AMZ2: variants seen among roughly 807,000 people sequenced by gnomAD.
AMZ2 encodes archaemetzincin-2.
Under a neutral mutation model 36.7 loss-of-function variants are expected in AMZ2, and 26 were observed. The ratio of observed to expected loss-of-function variants is 0.71; its 90% CI spans 0.52 to 0.98. The LOEUF (loss-of-function observed/expected upper bound fraction) is 0.98, where lower values mean the gene tolerates loss of function less well. AMZ2 is among the 50% of genes least tolerant of loss of function. The pLI, the probability that AMZ2 is intolerant of heterozygous loss-of-function variation, is 0.00. For synonymous variants in AMZ2, 144 were observed against 149.1 expected (o/e 0.97, Z 0.25); for missense variants, 394 against 430.5 (o/e 0.92, Z 0.75).
chr17:68,255,862 G>T lies in AMZ2; in HGVS notation c.913G>T (p.Val305Leu). The T allele has an allele frequency of 6.2e-7, 1 of 1,614,026 alleles. No homozygotes were observed. The highest frequency in any genetic ancestry group is 8.5e-7 in the Non-Finnish European group (1 of 1,180,006). Reference sequence around the variant, plus strand: ...GCAGTGTGCTGTTGGCTTCAGCATTGTAGAAAGATACAAAGTAAGTTGGGG... The same window carrying T: ...GCAGTGTGCTGTTGGCTTCAGCATTTTAGAAAGATACAAAGTAAGTTGGGG... The part of the protein sequence containing the change: ...KLQCAVGFSI[V>L]ERYKALVRWI... The change falls in exon 6 of 7, where the codon GTA becomes TTA. Residue 305 changes from valine to leucine, a missense_variant. Val to Leu is a conservative substitution (Grantham distance 32). Coordinates refer to ENST00000359904, the MANE Select transcript of AMZ2 (RefSeq NM_016627.5).
At chr17:68,209,622 A>ATATATATATATATATATATG (rs2072967321) in intron 1 of AMZ2, among the ~76,000 whole-genome samples, 2 of 83,128 alleles carry the variant, frequency 2.4e-5, no homozygotes, top group Non-Finnish European at 4.4e-5. Context: ...ATATATATAT[A>ATATATATATATATATATATG]TATATATATA....
chr17:68,248,485 C>CTCCAG lies in AMZ2; in HGVS notation c.-220_-216dup. The CTCCAG allele has an allele frequency of 1.0e-6, 1 of 986,142 alleles. No homozygotes were observed. The highest frequency in any genetic ancestry group is 1.2e-6 in the Non-Finnish European group (1 of 830,098). 61.1% of individuals were successfully genotyped at this position (986,142 alleles called of 1,614,324 possible). A position where few individuals can be genotyped will look rare whatever the true frequency, so the allele number is the denominator to read the frequency against. On this transcript the variant is annotated 5_prime_UTR_variant, in exon 1 of 7. It introduces an in-frame stop codon into an upstream open reading frame of the 5' UTR. Transcript: ENST00000359904. ...GTTTTGGGACCAAAGCATCCTAGGC[C>CTCCAG]TCCAGCCCACTGCAGTGACCGAATT... is the stretch of plus-strand genomic sequence containing the variant.
exon 1 of AMZ2, chr17:68,206,177 C>G: frequency 7.7e-7 from 1 of 1,306,406 alleles, no homozygotes; most frequent in Non-Finnish European, 9.8e-7. Context: ...AAGACGACGA[C>G]GACGCCAGTT....
chr17:68,248,794 G>A, intron 1 of AMZ2, 89 bp downstream of exon 1: 1 of 987,164 alleles, frequency 1.0e-6, no homozygotes, highest in Non-Finnish European at 1.2e-6. Context: ...GTGAGGATGA[G>A]CCTATGCTTA....
At chr17:68,225,165 T>G (rs560928330) in intron 1 of AMZ2, among the ~76,000 whole-genome samples, 58 of 152,172 alleles carry the variant, frequency 3.8e-4, no homozygotes, top group African/African-American at 1.3e-3. Context: ...GCACTCCAGC[T>G]TGGGTGAAAG....
Position 68,238,839 on chromosome 17 carries a change from TA to T in AMZ2, c.-66-9794del, listed in dbSNP as rs544732848. 7.9e-5 allele frequency among the ~76,000 whole-genome samples: 12 copies of T among 152,282 alleles called. No individual in the cohort carries two copies. In the South Asian group the frequency reaches 2.1e-3, roughly 26 times the overall value. On this transcript the variant is annotated intron_variant, in intron 1 of 7. Coordinates refer to the AMZ2 transcript ENST00000674770. ...GTGGGAAATCATAAACAACAAAGCA[TA>T]AAAAAATCTTAACCTAGTGGACTAA...
intron 1 of AMZ2, among the ~76,000 whole-genome samples, chr17:68,212,005 A>G (rs2073079756): frequency 6.6e-6 from 1 of 151,734 alleles, no homozygotes; most frequent in Non-Finnish European, 1.5e-5. Flanking sequence ...CTCTATCTAT[A>G]TATATCTGTA....
intron 1 of AMZ2, among the ~76,000 whole-genome samples, chr17:68,220,711 C>T (rs1457532949): frequency 1.1e-4 from 17 of 151,974 alleles, no homozygotes; most frequent in Admixed American, 7.9e-4. Context: ...ATAAAATGCT[C>T]CAACCCTTCA....
At chr17:68,227,240 G>A (rs1275197220) in intron 1 of AMZ2, among the ~76,000 whole-genome samples, 2 of 152,214 alleles carry the variant, frequency 1.3e-5, no homozygotes, top group East Asian at 1.9e-4. Context: ...CTGACCTCTC[G>A]ACACCTGGTT....
upstream of AMZ2, chr17:68,247,410 C>T (rs1352849381): frequency 6.5e-6 from 1 of 152,924 alleles, no homozygotes; most frequent in African/African-American, 2.4e-5. Context: ...GAAAGTCCCA[C>T]CAGAGGGTAC....
At chr17:68,218,070 C>A (rs2073248011) in intron 1 of AMZ2, among the ~76,000 whole-genome samples, 1 of 151,920 alleles carries the variant, frequency 6.6e-6, no homozygotes, top group South Asian at 2.1e-4. Flanking sequence ...CCTCTGCCTC[C>A]CAAAGTGCTG....
chr17:68,213,179 C>T (rs1178048502), intron 1 of AMZ2, among the ~76,000 whole-genome samples: 1 of 152,148 alleles, frequency 6.6e-6, no homozygotes, highest in South Asian at 2.1e-4. Context: ...AAAATGATTG[C>T]GGCTGCAAGC....
At chr17:68,230,221 C>A (rs111970172) in intron 1 of AMZ2, among the ~76,000 whole-genome samples, 1 of 152,228 alleles carries the variant, frequency 6.6e-6, no homozygotes, top group Non-Finnish European at 1.5e-5. Flanking sequence ...TACAGGTGCC[C>A]ACCACCATAC....
upstream of AMZ2, chr17:68,247,825 G>C (rs1463282912): frequency 9.1e-6 from 9 of 985,574 alleles, no homozygotes; most frequent in Non-Finnish European, 1.1e-5. Context: ...CGACTGCGGG[G>C]GTGGACAGCT....
At position 68,209,626 on chromosome 17, in the gene AMZ2, A is replaced by AT. The variant is rs1430193601; in HGVS notation, c.-67+3389dup. Among the ~76,000 whole-genome samples, 102 of 95,218 alleles carry AT rather than the reference A, an allele frequency of 1.1e-3. 2 individuals are homozygous for AT. The highest frequency in any genetic ancestry group is 2.2e-3 in the African/African-American group (41 of 18,818). The allele number at this position is 95,218 out of a possible 152,430, so 62.5% of individuals were successfully genotyped here. ...TGTGTATATGTATATATATATATAT[A>AT]TATATATTTTTTTTTTTTTTTATAC... On this transcript the variant is annotated intron_variant, in intron 1 of 7. Transcript: ENST00000674770.
At chr17:68,209,592 G>C (rs1318930575) in intron 1 of AMZ2, among the ~76,000 whole-genome samples, 3 of 100,812 alleles carry the variant, frequency 3.0e-5, no homozygotes, top group African/African-American at 1.4e-4. Context: ...GTGTGTGTGT[G>C]TGTGTGTGTG....
chr17:68,209,846 C>T (rs1370513934), intron 1 of AMZ2, among the ~76,000 whole-genome samples: 1 of 151,318 alleles, frequency 6.6e-6, no homozygotes, highest in Non-Finnish European at 1.5e-5. Flanking sequence ...GTCTTGAACT[C>T]ATAAACTCAG....
chr17:68,231,881 A>C (rs1463662078), intron 1 of AMZ2, among the ~76,000 whole-genome samples: 3 of 152,138 alleles, frequency 2.0e-5, no homozygotes, highest in Non-Finnish European at 4.4e-5. Flanking sequence ...ATCACTTTTA[A>C]TGTAGGTATA....
intron 1 of AMZ2, among the ~76,000 whole-genome samples, chr17:68,228,115 A>G (rs2903997): frequency 0.32 from 49,088 of 151,378 alleles, 8,373 homozygotes; most frequent in African/African-American, 0.44. Context: ...AGCCGCCCAC[A>G]CATCATCTTT....
Sources: allele counts gnomAD v4.1 joint callset (sites outside exome capture counted in the v4.1 genomes callset), GRCh38; gene constraint gnomAD v4.1.1; transcripts MANE v1.5; gene names NCBI Gene and HGNC (gene_info 2026-07-23, HGNC 2026-07-21).